The following PALM2AKAP2 variants were observed in gnomAD, a reference collection of about 807,000 sequenced individuals.
PALM2AKAP2 encodes the protein PALM2-AKAP2 fusion protein.
PALM2AKAP2 carries 37 observed loss-of-function variants against 71.5 expected under a neutral mutation model. That is an observed-to-expected ratio of 0.52 (90% CI 0.40 to 0.68). The LOEUF (loss-of-function observed/expected upper bound fraction) is 0.68, where lower values mean the gene tolerates loss of function less well. Among genes scored for constraint, PALM2AKAP2 ranks in the 30% least tolerant of loss-of-function variants. PALM2AKAP2 has a pLI of 0.00. For synonymous variants in PALM2AKAP2, 468 were observed against 478.8 expected, an observed-to-expected ratio of 0.98 and a Z score of 0.29; for missense variants, 1,224 against 1,191.8, an observed-to-expected ratio of 1.03 and a Z score of -0.40.
intron 1 of PALM2AKAP2, among the ~76,000 whole-genome samples, chr9:109,805,782 T>C (rs1827555915): frequency 6.6e-6 from 1 of 152,246 alleles, no homozygotes; most frequent in Non-Finnish European, 1.5e-5. Context: ...CTGTACCACC[T>C]AGGCATCTCC....
At chr9:110,130,817 A>G (rs576191329) in intron 1 of PALM2AKAP2, among the ~76,000 whole-genome samples, 6 of 152,212 alleles carry the variant, frequency 3.9e-5, no homozygotes, top group Non-Finnish European at 8.8e-5. Context: ...CTCTATTGGC[A>G]TATCCCCTTT....
At chr9:109,924,634 CAAAA>C (rs1302452644) in intron 4 of PALM2AKAP2, among the ~76,000 whole-genome samples, 1 of 151,878 alleles carries the variant, frequency 6.6e-6, no homozygotes, top group African/African-American at 2.4e-5. Flanking sequence ...GACAAACAAA[CAAAA>C]AAACAGGTGG....
At chr9:109,867,816 C>T (rs1277357854) in intron 2 of PALM2AKAP2, among the ~76,000 whole-genome samples, 4 of 152,032 alleles carry the variant, frequency 2.6e-5, no homozygotes, top group South Asian at 2.1e-4. Flanking sequence ...AGGGTTTGTG[C>T]GTGTGAAGTG....
At chr9:109,981,860 T>C (rs1323240413) in intron 6 of PALM2AKAP2, among the ~76,000 whole-genome samples, 2 of 152,060 alleles carry the variant, frequency 1.3e-5, no homozygotes, top group Non-Finnish European at 2.9e-5. Context: ...GAGTGTAAAT[T>C]AGTACAACCA....
At chr9:110,007,486 G>A (rs79630282) in intron 6 of PALM2AKAP2, among the ~76,000 whole-genome samples, 2,811 of 152,254 alleles carry the variant, frequency 0.018, 97 homozygotes, top group African/African-American at 0.064. Flanking sequence ...GTACAAGCCA[G>A]CAACATCATC....
intron 3 of PALM2AKAP2, 122 bp downstream of exon 10, chr9:110,162,254 G>T: frequency 7.0e-7 from 1 of 1,437,254 alleles, no homozygotes; most frequent in Non-Finnish European, 9.7e-7. Flanking sequence ...GTCTCCATAT[G>T]TATTTTTTTG....
At chr9:109,838,073 A>AC (rs147621706) in intron 1 of PALM2AKAP2, among the ~76,000 whole-genome samples, 122,768 of 152,050 alleles carry the variant, frequency 0.81, 49,743 homozygotes, top group African/African-American at 0.89. Flanking sequence ...AACAGAATAT[A>AC]ATTATTCTCA....
In PALM2AKAP2 at chr9:109,920,446, G is replaced by C. The variant is rs78332082; in HGVS notation, c.258-3289G>C. ...AAGTGCAGTGGTGCAATCTGGGCTC[G>C]CTGCAGCCTTGCAGCCTCTGTCTCC... On this transcript the variant is annotated intron_variant, in intron 3 of 9. Coordinates refer to the PALM2AKAP2 transcript ENST00000302798. 2.4e-3 allele frequency among the ~76,000 whole-genome samples: 363 copies of C among 150,398 alleles called. 1 individual carries two copies. Among genetic ancestry groups the C allele is most frequent in the African/African-American group, 8.4e-3 (341 of 40,784 alleles).
intron 6 of PALM2AKAP2, among the ~76,000 whole-genome samples, chr9:109,953,178 C>T (rs549275121): frequency 6.6e-6 from 1 of 152,150 alleles, no homozygotes; most frequent in South Asian, 2.1e-4. Flanking sequence ...CCTCATAATT[C>T]GATTCTGGGG....
chr9:109,954,470 GA>G (rs897466114), intron 6 of PALM2AKAP2, among the ~76,000 whole-genome samples: 6 of 137,694 alleles, frequency 4.4e-5, no homozygotes, highest in Admixed American at 7.6e-5. Flanking sequence ...TTTAGAAGTG[GA>G]CACAGGAAGG....
At chr9:109,725,559 G>A (rs780412259) in intron 1 of PALM2AKAP2, among the ~76,000 whole-genome samples, 18 of 152,240 alleles carry the variant, frequency 1.2e-4, no homozygotes, top group African/African-American at 1.4e-4. Flanking sequence ...AGAGATGCTC[G>A]TTATGGTATG....
At chr9:110,127,445 C>A (rs1310586266) in intron 1 of PALM2AKAP2, among the ~76,000 whole-genome samples, 2 of 152,148 alleles carry the variant, frequency 1.3e-5, no homozygotes, top group Non-Finnish European at 2.9e-5. Flanking sequence ...ACAATCAACA[C>A]GGGCCCCTAG....
At chr9:109,826,212 TGTG>T (rs1020819283) in intron 1 of PALM2AKAP2, among the ~76,000 whole-genome samples, 29 of 124,224 alleles carry the variant, frequency 2.3e-4, no homozygotes, top group Non-Finnish European at 4.3e-4. Context: ...CGGGGCCTGT[TGTG>T]GGGGTGGGGG....
At chr9:109,934,741 C>T (rs1831182787) in intron 6 of PALM2AKAP2, among the ~76,000 whole-genome samples, 1 of 152,188 alleles carries the variant, frequency 6.6e-6, no homozygotes, top group African/African-American at 2.4e-5. Flanking sequence ...CACTGCTCAG[C>T]CTCACTCCGT....
intron 1 of PALM2AKAP2, among the ~76,000 whole-genome samples, chr9:110,113,242 TC>T (rs1249904717): frequency 1.1e-5 from 1 of 88,628 alleles, no homozygotes; most frequent in Non-Finnish European, 2.2e-5. Flanking sequence ...TTTGTTTTTT[TC>T]TTTTTTTTTT....
rs148113465 is a variant in PALM2AKAP2 at position 110,078,025 on chromosome 9, A to G, written c.156+29170A>G. Among the ~76,000 whole-genome samples, 705 of 152,074 alleles carry G rather than the reference A, an allele frequency of 4.6e-3. 4 individuals are homozygous for G. The highest frequency in any genetic ancestry group is 0.024 in the Middle Eastern group (7 of 294). Reference sequence around the variant, plus strand: ...TGAGACTCAGTCTCAAAAAAAAAAAAAAAGAAAGAAAGAAAATACTGTAGG... The same window carrying G: ...TGAGACTCAGTCTCAAAAAAAAAAAGAAAGAAAGAAAGAAAATACTGTAGG... On this transcript the variant is annotated intron_variant, in intron 1 of 3. Coordinates refer to ENST00000374525, the Ensembl canonical transcript of PALM2AKAP2.
Position 109,935,841 on chromosome 9 carries a change from A to G in PALM2AKAP2, c.496+3813A>G, listed in dbSNP as rs572220241. Among the ~76,000 whole-genome samples, 3 of 152,210 alleles carry G rather than the reference A, an allele frequency of 2.0e-5. No individual in the cohort carries two copies. In the South Asian group the frequency reaches 6.2e-4, roughly 32 times the overall value. On this transcript the variant is annotated intron_variant, in intron 6 of 9. Transcript: ENST00000302798. ...CTTTATATCCCTGCAGTGCTATGTTATTTTCCAATCTTCTCTGCTCATCTG... is the reference window on the plus strand; with the variant it reads ...CTTTATATCCCTGCAGTGCTATGTTGTTTTCCAATCTTCTCTGCTCATCTG...
rs1239733550 is a variant in PALM2AKAP2, at chr9:110,137,666, G to A, written c.1696G>A (p.Glu566Lys). 8 of 1,613,940 alleles carry A rather than the reference G, an allele frequency of 5.0e-6. No homozygotes were observed. Among genetic ancestry groups the A allele is most frequent in the Non-Finnish European group, 6.8e-6 (8 of 1,179,912 alleles). Residue 566 changes from glutamate to lysine, a missense_variant, in exon 2 of 4, where the codon GAA becomes AAA. Transcript: ENST00000374525. ...AGAGGAGCTTGACTCTGGTCTGGAC[G>A]AATTGTCGGTGAGGTCTCAGGATAC...
chr9:109,840,050 T>A (rs1446327380), intron 1 of PALM2AKAP2, among the ~76,000 whole-genome samples: 2 of 152,222 alleles, frequency 1.3e-5, no homozygotes, highest in Non-Finnish European at 2.9e-5. Context: ...AGAGCCCGCA[T>A]TGCCAAGTCA....
Sources: allele counts gnomAD v4.1 joint callset (sites outside exome capture counted in the v4.1 genomes callset), GRCh38; gene constraint gnomAD v4.1.1; transcripts MANE v1.5; gene names NCBI Gene and HGNC (gene_info 2026-07-23, HGNC 2026-07-21).